The following TMEM71 variants were observed in gnomAD, a reference collection of about 807,000 sequenced individuals.
TMEM71 encodes transmembrane protein 71.
A neutral mutation model predicts 38.0 loss-of-function variants in TMEM71; 44 were observed. The observed-to-expected ratio is 1.16, with a 90% CI of 0.91 to 1.49. The LOEUF is 1.49. TMEM71 is among the 40% of genes most tolerant of loss of function. The pLI is 0.00. For synonymous variants in TMEM71, 133 were observed against 122.5 expected, an observed-to-expected ratio of 1.09 and a Z score of -0.56; for missense variants, 367 against 348.6, an observed-to-expected ratio of 1.05 and a Z score of -0.42.
chr8:132,744,923 A>G (rs1478748103), intron 5 of TMEM71, among the ~76,000 whole-genome samples: 1 of 152,176 alleles, frequency 6.6e-6, no homozygotes, highest in African/African-American at 2.4e-5. Context: ...AAAAATAGCA[A>G]TAGGGAAAGG....
intron 3 of TMEM71, among the ~76,000 whole-genome samples, chr8:132,753,942 C>G (rs1828867512): frequency 6.6e-6 from 1 of 152,070 alleles, no homozygotes; most frequent in African/African-American, 2.4e-5. Context: ...AGAGAGTTTC[C>G]ATGTCCTCCC....
At chr8:132,766,510 C>T in the TMEM71 span, among the ~76,000 whole-genome samples, 7 of 152,184 alleles carry the variant, frequency 4.6e-5, no homozygotes, top group South Asian at 8.3e-4. Flanking sequence ...AAAAAAAATG[C>T]TGTATTCAGC....
chr8:132,713,971 A>C, intron 9 of TMEM71, 24 bp downstream of exon 9: 1 of 1,611,102 alleles, frequency 6.2e-7, no homozygotes, highest in Admixed American at 1.7e-5. Flanking sequence ...TCCAGACAAT[A>C]ATGATGACAC....
intron 5 of TMEM71, among the ~76,000 whole-genome samples, chr8:132,743,313 T>C (rs1311931781): frequency 6.6e-6 from 1 of 152,016 alleles, no homozygotes; most frequent in African/African-American, 2.4e-5. Context: ...TACCTCTCAT[T>C]CTCTCTTCAT....
At chr8:132,775,729 T>G in the TMEM71 span, 4 of 290,638 alleles carry the variant, frequency 1.4e-5, no homozygotes, top group Admixed American at 5.2e-5. Context: ...TGTCTCTCTT[T>G]CCGGCCCGCT....
At chr8:132,706,302 A>G (rs3892734), downstream of TMEM71, among the ~76,000 whole-genome samples, 85,918 of 151,928 alleles carry the variant, frequency 0.57, 27,251 homozygotes, top group African/African-American at 0.87. Context: ...TATTGGCCCC[A>G]TGGTCTTACC....
intron 5 of TMEM71, among the ~76,000 whole-genome samples, chr8:132,742,011 C>T (rs1212989742): frequency 6.6e-6 from 1 of 152,250 alleles, no homozygotes; most frequent in East Asian, 1.9e-4. Context: ...AGGAGCCCTT[C>T]TGGTGGCCCT....
chr8:132,727,697 TAC>T, intron 6 of TMEM71, 99 bp downstream of exon 6: 1 of 1,070,050 alleles, frequency 9.3e-7, no homozygotes, highest in Non-Finnish European at 1.4e-6. Context: ...CACAGGTTGG[TAC>T]CAGCTCCTAA....
intron 7 of TMEM71, among the ~76,000 whole-genome samples, chr8:132,720,026 T>C (rs937270204): frequency 6.6e-6 from 1 of 151,584 alleles, no homozygotes; most frequent in Non-Finnish European, 1.5e-5. Context: ...ATGTGTTGAA[T>C]GTCCCTTAAT....
At chr8:132,751,604 G>A (rs946597765) in intron 4 of TMEM71, among the ~76,000 whole-genome samples, 181 bp downstream of exon 4, 4 of 151,946 alleles carry the variant, frequency 2.6e-5, no homozygotes, top group Non-Finnish European at 5.9e-5. Context: ...ATAAATGAAT[G>A]AGTGAACAAA....
chr8:132,721,536 TTTC>T (rs1826845354), intron 7 of TMEM71, among the ~76,000 whole-genome samples: 1 of 151,830 alleles, frequency 6.6e-6, no homozygotes, highest in Non-Finnish European at 1.5e-5. Flanking sequence ...TGGTTTTCTT[TTTC>T]TTTTTTTTTT....
At chr8:132,769,839 T>G in the TMEM71 span, among the ~76,000 whole-genome samples, 2 of 152,190 alleles carry the variant, frequency 1.3e-5, no homozygotes, top group Admixed American at 6.5e-5. Context: ...ACTAAGACAT[T>G]AAGTGATTAA....
At chr8:132,744,916 A>G (rs974109343) in intron 5 of TMEM71, among the ~76,000 whole-genome samples, 11 of 152,210 alleles carry the variant, frequency 7.2e-5, no homozygotes, top group African/African-American at 2.7e-4. Flanking sequence ...GTTGACAAAA[A>G]ATAGCAATAG....
chr8:132,773,196 C>A, the TMEM71 span, among the ~76,000 whole-genome samples: 1 of 152,124 alleles, frequency 6.6e-6, no homozygotes, highest in African/African-American at 2.4e-5. Context: ...GCCCTGGTCC[C>A]TTCCCACTAA....
intron 7 of TMEM71, among the ~76,000 whole-genome samples, chr8:132,719,517 A>C (rs561782808): frequency 6.6e-6 from 1 of 152,362 alleles, no homozygotes; most frequent in African/African-American, 2.4e-5. Flanking sequence ...CCAAATGTAC[A>C]AAAAGTCCAA....
chr8:132,771,948 G>T, the TMEM71 span, among the ~76,000 whole-genome samples: 12 of 152,266 alleles, frequency 7.9e-5, no homozygotes, highest in South Asian at 2.3e-3. Context: ...TGAGGAAAAT[G>T]ATGTCAGTGC....
At chr8:132,770,989 T>C in the TMEM71 span, among the ~76,000 whole-genome samples, 1 of 152,184 alleles carries the variant, frequency 6.6e-6, no homozygotes, top group Non-Finnish European at 1.5e-5. Context: ...GAAATACTGA[T>C]ATAGTTAATG....
chr8:132,769,647 A>G, the TMEM71 span, among the ~76,000 whole-genome samples: 1 of 152,196 alleles, frequency 6.6e-6, no homozygotes, highest in Admixed American at 6.5e-5. Flanking sequence ...CATGAGAGAG[A>G]TGATCTCTGT....
chr8:132,744,571 T>C (rs969935312), intron 5 of TMEM71, among the ~76,000 whole-genome samples: 8 of 152,216 alleles, frequency 5.3e-5, no homozygotes, highest in Admixed American at 4.6e-4. Context: ...TGCTCATGGA[T>C]TGGAAGAATC....
Sources: allele counts gnomAD v4.1 joint callset (sites outside exome capture counted in the v4.1 genomes callset), GRCh38; gene constraint gnomAD v4.1.1; transcripts MANE v1.5; gene names NCBI Gene and HGNC (gene_info 2026-07-23, HGNC 2026-07-21).